ZNF644: variants seen among roughly 807,000 people sequenced by gnomAD.
The protein encoded by ZNF644 is zinc finger motif enhancer binding protein 2.
In ZNF644, 20 loss-of-function variants were observed where a neutral mutation model predicts 108.0. That is an observed-to-expected ratio of 0.19 (90% CI 0.13 to 0.27). The LOEUF is 0.27. Among genes scored for constraint, ZNF644 ranks in the 10% least tolerant of loss-of-function variants. The pLI is 1.00. For synonymous variants in ZNF644, 542 were observed against 539.1 expected, an observed-to-expected ratio of 1.01 and a Z score of -0.08; for missense variants, 1,338 against 1,548.9, an observed-to-expected ratio of 0.86 and a Z score of 2.29.
intron 4 of ZNF644, among the ~76,000 whole-genome samples, chr1:90,933,165 G>A (rs1182664730): frequency 1.3e-5 from 2 of 152,148 alleles, no homozygotes; most frequent in African/African-American, 4.8e-5. Flanking sequence ...TTCAGATGAA[G>A]TAAAAGCATT....
chr1:90,991,092 A>G (rs1312643866), intron 1 of ZNF644, among the ~76,000 whole-genome samples: 1 of 152,236 alleles, frequency 6.6e-6, no homozygotes, highest in East Asian at 1.9e-4. Context: ...AACACCTTCA[A>G]TAATAAAACA....
At chr1:90,968,226 A>G (rs1037047930) in intron 2 of ZNF644, among the ~76,000 whole-genome samples, 2 of 152,172 alleles carry the variant, frequency 1.3e-5, no homozygotes, top group African/African-American at 4.8e-5. Flanking sequence ...AGGAATTTGC[A>G]GGAAAATTTT....
chr1:90,995,488 C>A (rs898521505), intron 1 of ZNF644, among the ~76,000 whole-genome samples: 5 of 151,974 alleles, frequency 3.3e-5, no homozygotes, highest in African/African-American at 7.3e-5. Flanking sequence ...GAAATAATGG[C>A]CAAAACATTT....
At chr1:90,921,596 A>G (rs1033586504) in intron 4 of ZNF644, among the ~76,000 whole-genome samples, 1 of 152,120 alleles carries the variant, frequency 6.6e-6, no homozygotes, top group Non-Finnish European at 1.5e-5. Flanking sequence ...TAAGATTACT[A>G]TTCGGTGGGC....
At chr1:90,949,209 T>G (rs1652832569) in intron 2 of ZNF644, among the ~76,000 whole-genome samples, 1 of 151,414 alleles carries the variant, frequency 6.6e-6, no homozygotes. Flanking sequence ...AATTTATATA[T>G]TTATATATTT....
chr1:90,985,728 A>AT (rs1657024088), intron 1 of ZNF644, among the ~76,000 whole-genome samples: 1 of 152,136 alleles, frequency 6.6e-6, no homozygotes, highest in Non-Finnish European at 1.5e-5. Context: ...TTGCTTCCCT[A>AT]TTTTAGCTAT....
At chr1:91,010,468 T>C (rs936202545) in intron 1 of ZNF644, among the ~76,000 whole-genome samples, 1 of 150,400 alleles carries the variant, frequency 6.6e-6, no homozygotes, top group African/African-American at 2.5e-5. Flanking sequence ...GCGAGGCTGG[T>C]CTCAAACTCC....
At chr1:90,986,217 T>C (rs1217990376) in intron 1 of ZNF644, among the ~76,000 whole-genome samples, 1 of 151,606 alleles carries the variant, frequency 6.6e-6, no homozygotes, top group Non-Finnish European at 1.5e-5. Context: ...CAAAAACCCA[T>C]AACCACAGTC....
chr1:90,939,797 T>C lies in ZNF644; in HGVS notation c.1557A>G (p.Glu519=). ...CACAGCAGTAGTACCTTTTATCTTTTTCATGGGTTTTAGCATGTTGCACAA... is the reference window on the plus strand; with the variant it reads ...CACAGCAGTAGTACCTTTTATCTTTCTCATGGGTTTTAGCATGTTGCACAA... ...KTFVQHAKTH[E]KDKRYYCCEE... is the part of the protein sequence containing the mutation. The change falls in exon 3 of 6, where the codon GAA becomes GAG. Residue 519 remains glutamate (E), a synonymous_variant. Coordinates refer to ENST00000337393, the MANE Select transcript of ZNF644 (RefSeq NM_201269.3). 2 of 1,613,958 alleles carry C rather than the reference T, an allele frequency of 1.2e-6. No individual in the cohort carries two copies. The highest frequency in any genetic ancestry group is 1.7e-6 in the Non-Finnish European group (2 of 1,179,940).
intron 1 of ZNF644, among the ~76,000 whole-genome samples, chr1:90,989,376 T>C (rs1477220045): frequency 6.6e-6 from 1 of 151,906 alleles, no homozygotes; most frequent in Non-Finnish European, 1.5e-5. Flanking sequence ...TGGCAAGACC[T>C]TGTCTCTACT....
chr1:90,935,121 A>C (rs568339964), intron 4 of ZNF644, among the ~76,000 whole-genome samples: 1 of 152,290 alleles, frequency 6.6e-6, no homozygotes, highest in South Asian at 2.1e-4. Flanking sequence ...AAAATCAAAA[A>C]TAGTATTCTA....
intron 4 of ZNF644, among the ~76,000 whole-genome samples, chr1:90,930,463 G>A (rs980108351): frequency 2.0e-5 from 3 of 152,174 alleles, no homozygotes; most frequent in Non-Finnish European, 2.9e-5. Context: ...TGGATAGAAT[G>A]AGTATAGAAA....
At chr1:91,003,773 C>G (rs1224911340) in intron 1 of ZNF644, among the ~76,000 whole-genome samples, 1 of 151,932 alleles carries the variant, frequency 6.6e-6, no homozygotes, top group Non-Finnish European at 1.5e-5. Flanking sequence ...CCTGAGGAAA[C>G]CCAGACATAG....
At chr1:90,952,719 T>A (rs1373021975) in intron 2 of ZNF644, among the ~76,000 whole-genome samples, 1 of 152,002 alleles carries the variant, frequency 6.6e-6, no homozygotes, top group African/African-American at 2.4e-5. Context: ...GAAACTGATA[T>A]GGTAAAAGAT....
chr1:90,974,983 C>T (rs1363708766), intron 2 of ZNF644, among the ~76,000 whole-genome samples: 1 of 152,150 alleles, frequency 6.6e-6, no homozygotes, highest in Non-Finnish European at 1.5e-5. Flanking sequence ...TTTCTGTTAC[C>T]TCTCATCCTT....
intron 4 of ZNF644, among the ~76,000 whole-genome samples, chr1:90,927,894 A>T (rs2100839592): frequency 6.6e-6 from 1 of 150,824 alleles, no homozygotes; most frequent in African/African-American, 2.4e-5. Flanking sequence ...CCCAGGCTGG[A>T]GTGCAACAGC....
chr1:90,921,937 T>C lies in ZNF644; in HGVS notation c.3689-3783A>G, dbSNP rs370054878. On this transcript the variant is annotated intron_variant, in intron 4 of 5. Transcript: ENST00000337393. ...GATTGGTGCAAAGCAAATAAATAGA[T>C]AACACAACACATAAAAATTCAAGTC... Among the ~76,000 whole-genome samples the C allele has an allele frequency of 5.3e-5, 8 of 152,192 alleles. No homozygotes were observed. In the East Asian group the frequency reaches 9.7e-4, roughly 18 times the overall value.
chr1:90,932,358 T>C (rs1244620353), intron 4 of ZNF644, among the ~76,000 whole-genome samples: 2 of 152,188 alleles, frequency 1.3e-5, no homozygotes, highest in African/African-American at 4.8e-5. Context: ...GAATTAAGAC[T>C]GCTTAAACTA....
chr1:91,009,280 T>C (rs1193727075), intron 1 of ZNF644, among the ~76,000 whole-genome samples: 1 of 152,168 alleles, frequency 6.6e-6, no homozygotes, highest in Non-Finnish European at 1.5e-5. Flanking sequence ...CTTAAAACTC[T>C]AAAACTATTA....
Sources: gnomAD v4.1 joint callset for allele counts (sites outside exome capture counted in the v4.1 genomes callset) on GRCh38, gnomAD v4.1.1 for gene constraint, MANE v1.5 for transcripts, NCBI Gene and HGNC (gene_info 2026-07-23, HGNC 2026-07-21) for gene names.